The following ATAD1 variants were observed in gnomAD, a reference collection of about 807,000 sequenced individuals.
ATAD1 encodes the protein outer mitochondrial transmembrane helix translocase.
A neutral mutation model predicts 42.7 loss-of-function variants in ATAD1; 18 were observed. That is an observed-to-expected ratio of 0.42 (90% confidence interval 0.29 to 0.63). ATAD1 has a LOEUF of 0.63. Ranked by LOEUF, ATAD1 falls within the 20% of genes least tolerant of loss-of-function variation. The pLI, the probability that ATAD1 is intolerant of heterozygous loss-of-function variation, is 0.19. For synonymous variants in ATAD1, 132 were observed against 143.1 expected (o/e 0.92, Z 0.55); for missense variants, 294 against 440.4 (o/e 0.67, Z 2.98).
At chr10:87,793,108 G>A (rs1482339600) in intron 2 of ATAD1, among the ~76,000 whole-genome samples, 1 of 152,182 alleles carries the variant, frequency 6.6e-6, no homozygotes, top group Non-Finnish European at 1.5e-5. Context: ...TGGCAAAGGT[G>A]AAATCTCAAG....
chr10:87,763,927 T>G lies in ATAD1; in HGVS notation c.831+3746A>C, dbSNP rs143573722. Reference sequence around the variant, plus strand: ...AATATTAATGCTTGTTTTTTTCCTATGTAAGACAAATTGATTCTAAAATTT... The same window carrying G: ...AATATTAATGCTTGTTTTTTTCCTAGGTAAGACAAATTGATTCTAAAATTT... On this transcript the variant is annotated intron_variant, in intron 8 of 9. Coordinates refer to ENST00000680024, the MANE Select transcript of ATAD1 (RefSeq NM_001321967.2). 3.2e-3 allele frequency among the ~76,000 whole-genome samples: 491 copies of G among 152,244 alleles called. 6 individuals are homozygous for G. In the Middle Eastern group the frequency reaches 0.078, roughly 24 times the overall value.
intron 1 of ATAD1, among the ~76,000 whole-genome samples, chr10:87,828,118 T>C (rs765412074): frequency 3.3e-5 from 5 of 151,968 alleles, no homozygotes; most frequent in Non-Finnish European, 5.9e-5. Flanking sequence ...CCACTGAGCC[T>C]GGCTAATTTT....
At chr10:87,803,946 A>G (rs1856813641) in intron 2 of ATAD1, among the ~76,000 whole-genome samples, 2 of 151,716 alleles carry the variant, frequency 1.3e-5, no homozygotes, top group African/African-American at 4.8e-5. Flanking sequence ...TTCCTTACTG[A>G]CTCCTATCTC....
upstream of ATAD1, chr10:87,819,225 G>C (rs1042086888): frequency 1.7e-5 from 2 of 119,146 alleles, no homozygotes; most frequent in Non-Finnish European, 3.2e-5. Flanking sequence ...TCAGGAATTC[G>C]AGACCAGCCT....
rs1452942867 is a variant in ATAD1, at chr10:87,771,121, T to C, written c.691-80A>G. The C allele has an allele frequency of 2.8e-6, 3 of 1,081,378 alleles. No individual in the cohort carries two copies. In the African/African-American group the frequency reaches 4.8e-5, roughly 17 times the overall value. 67.0% of individuals were successfully genotyped at this position (1,081,378 alleles called of 1,614,324 possible). Reference sequence around the variant, plus strand: ...GAATGTTATTACTAGGGCTTAGTTTTAAAAATTAAGTGGTATTTTAACTAA... The same window carrying C: ...GAATGTTATTACTAGGGCTTAGTTTCAAAAATTAAGTGGTATTTTAACTAA... On this transcript the variant is annotated intron_variant, in intron 6 of 9. Transcript: ENST00000680024.
At chr10:87,837,533 T>C (rs1334830467) in intron 1 of ATAD1, among the ~76,000 whole-genome samples, 1 of 152,198 alleles carries the variant, frequency 6.6e-6, no homozygotes, top group African/African-American at 2.4e-5. Context: ...AGATCCATCC[T>C]TGTGCAACTT....
At chr10:87,788,173 C>A (rs144849549) in intron 4 of ATAD1, among the ~76,000 whole-genome samples, 9 of 152,338 alleles carry the variant, frequency 5.9e-5, no homozygotes, top group Non-Finnish European at 1.0e-4. Flanking sequence ...TTACATATGA[C>A]CTCATGCACT....
intron 5 of ATAD1, among the ~76,000 whole-genome samples, chr10:87,783,469 T>C (rs1468647825): frequency 6.6e-6 from 1 of 151,948 alleles, no homozygotes; most frequent in Admixed American, 6.6e-5. Context: ...TGAGAAAAGA[T>C]ACATAAAGCA....
chr10:87,779,449 A>G (rs1428043387), intron 5 of ATAD1, among the ~76,000 whole-genome samples: 2 of 152,258 alleles, frequency 1.3e-5, no homozygotes, highest in South Asian at 2.1e-4. Context: ...CCCAAAATAT[A>G]AAAAGAACTC....
At chr10:87,838,736 T>TTC (rs112302394) in intron 1 of ATAD1, among the ~76,000 whole-genome samples, 2,920 of 131,810 alleles carry the variant, frequency 0.022, 51 homozygotes, top group Middle Eastern at 0.044. Context: ...CTCATTCATA[T>TTC]TCTCTCTCTC....
At chr10:87,772,225 T>G (rs1328075344) in intron 6 of ATAD1, among the ~76,000 whole-genome samples, 1 of 152,046 alleles carries the variant, frequency 6.6e-6, no homozygotes, top group Non-Finnish European at 1.5e-5. Flanking sequence ...TTCTTTTTTT[T>G]TTTGAAGACA....
At chr10:87,804,276 G>A (rs974426481) in intron 2 of ATAD1, among the ~76,000 whole-genome samples, 1 of 152,124 alleles carries the variant, frequency 6.6e-6, no homozygotes, top group African/African-American at 2.4e-5. Flanking sequence ...AATAATTAAT[G>A]TCATAGTAAG....
At chr10:87,778,292 T>A (rs1362895200) in intron 5 of ATAD1, among the ~76,000 whole-genome samples, 6 of 151,944 alleles carry the variant, frequency 3.9e-5, no homozygotes, top group Admixed American at 3.3e-4. Context: ...AAATTTTTTT[T>A]AAACAACTAT....
At chr10:87,778,178 T>TAAAAAAAAAAAA (rs377243162) in intron 5 of ATAD1, among the ~76,000 whole-genome samples, 35 of 88,608 alleles carry the variant, frequency 3.9e-4, no homozygotes, top group African/African-American at 5.0e-4. Flanking sequence ...TAGAATAAAT[T>TAAAAAAAAAAAA]AAAAAAAAAA....
chr10:87,793,411 T>C (rs1856224440), intron 2 of ATAD1, among the ~76,000 whole-genome samples: 1 of 152,162 alleles, frequency 6.6e-6, no homozygotes, highest in Non-Finnish European at 1.5e-5. Flanking sequence ...ATGAAAAACA[T>C]TTACTGAGTG....
At chr10:87,790,745 C>G (rs1350950946) in intron 3 of ATAD1, among the ~76,000 whole-genome samples, 1 of 152,040 alleles carries the variant, frequency 6.6e-6, no homozygotes, top group Non-Finnish European at 1.5e-5. Flanking sequence ...TACTGAGAAC[C>G]AGCTGAGACA....
chr10:87,757,944 G>A (rs1226435703), intron 8 of ATAD1, among the ~76,000 whole-genome samples: 1 of 152,178 alleles, frequency 6.6e-6, no homozygotes, highest in Non-Finnish European at 1.5e-5. Flanking sequence ...AGGGTTACAT[G>A]AAGATAAATC....
At chr10:87,779,561 T>C (rs979520026) in intron 5 of ATAD1, among the ~76,000 whole-genome samples, 5 of 152,198 alleles carry the variant, frequency 3.3e-5, no homozygotes, top group Admixed American at 6.5e-5. Context: ...GATTTGCTCA[T>C]TGCATAGGTG....
At position 87,804,911 on chromosome 10, in the gene ATAD1, C is replaced by T. The variant is rs1856855006; in HGVS notation, c.162+9527G>A. Among the ~76,000 whole-genome samples, 3 of 152,180 alleles carry T rather than the reference C, an allele frequency of 2.0e-5. No individual in the cohort carries two copies. The South Asian group carries it at 6.2e-4, about 31-fold the overall frequency. Reference sequence around the variant, plus strand: ...CAACACCATGTTGAAACCATCTCCTCTCTCATTACCAATTAAATCTCCTGC... The same window carrying T: ...CAACACCATGTTGAAACCATCTCCTTTCTCATTACCAATTAAATCTCCTGC... On this transcript the variant is annotated intron_variant, in intron 2 of 9. Transcript: ENST00000680024.
Sources: allele counts gnomAD v4.1 joint callset (sites outside exome capture counted in the v4.1 genomes callset), GRCh38; gene constraint gnomAD v4.1.1; transcripts MANE v1.5; gene names NCBI Gene and HGNC (gene_info 2026-07-23, HGNC 2026-07-21).